Variants in DENND5B observed in about 807,000 individuals in gnomAD.
The protein encoded by DENND5B is DENN domain containing 5B.
Under a neutral mutation model 140.6 loss-of-function variants are expected in DENND5B, and 34 were observed. That is an observed-to-expected ratio of 0.24 (90% confidence interval 0.18 to 0.32). DENND5B has a LOEUF of 0.32. DENND5B is among the 10% of genes least tolerant of loss of function. The pLI is 1.00. For synonymous variants in DENND5B, 551 were observed against 562.1 expected (o/e 0.98, Z 0.28); for missense variants, 1,142 against 1,560.2 (o/e 0.73, Z 4.52).
chr12:31,568,259 A>C (rs1373003342), intron 1 of DENND5B, among the ~76,000 whole-genome samples: 1 of 152,238 alleles, frequency 6.6e-6, no homozygotes, highest in African/African-American at 2.4e-5. Flanking sequence ...TTTCATGTTT[A>C]GACTTAGGTC....
At chr12:31,558,588 T>C (rs1054478372) in intron 1 of DENND5B, among the ~76,000 whole-genome samples, 5 of 152,194 alleles carry the variant, frequency 3.3e-5, no homozygotes, top group Non-Finnish European at 2.9e-5. Context: ...GCAAATAAAA[T>C]TGGGCACTTT....
chr12:31,417,034 T>G (rs1314695241), intron 11 of DENND5B, among the ~76,000 whole-genome samples: 1 of 132,188 alleles, frequency 7.6e-6, no homozygotes, highest in Non-Finnish European at 1.6e-5. Flanking sequence ...CACTCCAGCC[T>G]GGGCAACAGA....
At chr12:31,552,745 G>A (rs1313260205) in intron 1 of DENND5B, among the ~76,000 whole-genome samples, 1 of 152,102 alleles carries the variant, frequency 6.6e-6, no homozygotes, top group Non-Finnish European at 1.5e-5. Flanking sequence ...CAATTTCAGA[G>A]CCTGTTATTG....
chr12:31,566,442 T>C (rs538399539), intron 1 of DENND5B, among the ~76,000 whole-genome samples: 45 of 151,918 alleles, frequency 3.0e-4, no homozygotes, highest in African/African-American at 7.0e-4. Context: ...AACAGATATA[T>C]ATATATTAAA....
At chr12:31,413,711 T>C in intron 12 of DENND5B, 147 bp from the exon 13 acceptor site, 2 of 937,808 alleles carry the variant, frequency 2.1e-6, no homozygotes, top group East Asian at 3.0e-5. Context: ...ATTAAATCTT[T>C]GAAGGTTCCA....
intron 17 of DENND5B, among the ~76,000 whole-genome samples, chr12:31,393,718 C>T (rs1354001601): frequency 6.6e-6 from 1 of 152,126 alleles, no homozygotes; most frequent in Non-Finnish European, 1.5e-5. Flanking sequence ...GATGGAGTCT[C>T]GCTCTGTCTC....
intron 1 of DENND5B, among the ~76,000 whole-genome samples, chr12:31,549,272 T>C (rs1391106368): frequency 6.6e-6 from 1 of 152,170 alleles, no homozygotes; most frequent in Non-Finnish European, 1.5e-5. Context: ...TCTGCCCCTA[T>C]CAGCAATGAT....
At chr12:31,566,510 T>C (rs1479185109) in intron 1 of DENND5B, among the ~76,000 whole-genome samples, 5 of 152,110 alleles carry the variant, frequency 3.3e-5, no homozygotes, top group Admixed American at 3.3e-4. Flanking sequence ...AGCTCATGCC[T>C]ATAATCCCAG....
intron 1 of DENND5B, among the ~76,000 whole-genome samples, chr12:31,507,981 G>A (rs145282288): frequency 1.3e-5 from 2 of 151,932 alleles, no homozygotes; most frequent in African/African-American, 4.8e-5. Context: ...TGTATTTCTG[G>A]GAAAGCATAT....
intron 4 of DENND5B, among the ~76,000 whole-genome samples, chr12:31,454,609 AT>A (rs1340606827): frequency 2.0e-5 from 3 of 151,128 alleles, no homozygotes; most frequent in Non-Finnish European, 2.9e-5. Flanking sequence ...TGCCTGGGTA[AT>A]TTTTTTATAT....
chr12:31,405,613 T>C (rs941388827), intron 14 of DENND5B, among the ~76,000 whole-genome samples: 1 of 152,102 alleles, frequency 6.6e-6, no homozygotes, highest in Non-Finnish European at 1.5e-5. Context: ...AGTGGTGCAA[T>C]CTCAGCTCAC....
intron 1 of DENND5B, among the ~76,000 whole-genome samples, chr12:31,583,893 G>A (rs1032142193): frequency 6.6e-6 from 1 of 152,072 alleles, no homozygotes; most frequent in Non-Finnish European, 1.5e-5. Flanking sequence ...AGCTAGTTAT[G>A]GTTTTACCAA....
chr12:31,556,968 C>T (rs952456073), intron 1 of DENND5B, among the ~76,000 whole-genome samples: 1 of 151,926 alleles, frequency 6.6e-6, no homozygotes, highest in Non-Finnish European at 1.5e-5. Flanking sequence ...CTTAAAATAA[C>T]AAAAAAATCA....
At chr12:31,487,591 A>G (rs1179712366) in intron 2 of DENND5B, among the ~76,000 whole-genome samples, 2 of 152,122 alleles carry the variant, frequency 1.3e-5, no homozygotes, top group African/African-American at 4.8e-5. Flanking sequence ...AGCCCCAGCT[A>G]CCTGGAAGGC....
intron 1 of DENND5B, among the ~76,000 whole-genome samples, chr12:31,526,148 T>A (rs1054417368): frequency 2.0e-5 from 3 of 152,138 alleles, no homozygotes; most frequent in African/African-American, 7.2e-5. Context: ...ATTACCTATA[T>A]TAGAACCCAG....
rs560370567 is a variant in DENND5B at position 31,398,434 on chromosome 12, A to G, written c.3069-72T>C. 6.4e-6 allele frequency: 9 copies of G among 1,414,260 alleles called. No individual in the cohort carries two copies. In the African/African-American group the frequency reaches 1.3e-4, roughly 20 times the overall value. The allele number at this position is 1,414,260 out of a possible 1,614,324, so 87.6% of individuals were successfully genotyped here. On this transcript the variant is annotated intron_variant, in intron 16 of 20. Coordinates refer to ENST00000389082, the MANE Select transcript of DENND5B (RefSeq NM_144973.4). Reference sequence around the variant, plus strand: ...AGGGTTCCCGCTCAGCCCCCTGAGTAGTTGAGACTACAGGTGTGCACCACC... The same window carrying G: ...AGGGTTCCCGCTCAGCCCCCTGAGTGGTTGAGACTACAGGTGTGCACCACC...
At chr12:31,450,194 A>G (rs981724763) in intron 5 of DENND5B, among the ~76,000 whole-genome samples, 1 of 152,190 alleles carries the variant, frequency 6.6e-6, no homozygotes, top group Non-Finnish European at 1.5e-5. Context: ...CATAAATGTA[A>G]TAATTGGCTT....
intron 3 of DENND5B, among the ~76,000 whole-genome samples, chr12:31,476,378 AT>A (rs776012935): frequency 2.0e-5 from 3 of 151,782 alleles, no homozygotes; most frequent in South Asian, 2.1e-4. Flanking sequence ...AAAACTAGTA[AT>A]TATTATAATA....
chr12:31,474,176 G>A (rs1329686098), intron 3 of DENND5B, among the ~76,000 whole-genome samples: 1 of 152,192 alleles, frequency 6.6e-6, no homozygotes, highest in African/African-American at 2.4e-5. Context: ...GCACTGCAAA[G>A]GCACACAGGC....
Sources: allele counts gnomAD v4.1 joint callset (sites outside exome capture counted in the v4.1 genomes callset), GRCh38; gene constraint gnomAD v4.1.1; transcripts MANE v1.5; gene names NCBI Gene and HGNC (gene_info 2026-07-23, HGNC 2026-07-21).